The following GPR155 variants were observed in gnomAD, a reference collection of about 807,000 sequenced individuals.
GPR155 encodes the protein G protein-coupled receptor 155.
Under a neutral mutation model 93.1 loss-of-function variants are expected in GPR155, and 65 were observed. The observed-to-expected ratio is 0.70, with a 90% confidence interval of 0.57 to 0.86. The LOEUF (loss-of-function observed/expected upper bound fraction) is 0.86. GPR155 is among the 40% of genes least tolerant of loss of function. GPR155 has a pLI of 0.00. For missense variants in GPR155, 838 were observed against 1,034.8 expected, an observed-to-expected ratio of 0.81 and a Z score of 2.61; for synonymous variants, 319 against 360.1, an observed-to-expected ratio of 0.89 and a Z score of 1.29.
At position 174,481,689 on chromosome 2, in the gene GPR155, T is replaced by C; in HGVS notation, c.268A>G (p.Met90Val). 3 of 1,614,132 alleles carry C rather than the reference T, an allele frequency of 1.9e-6. No individual in the cohort carries two copies. The highest frequency in any genetic ancestry group is 1.3e-5 in the African/African-American group (1 of 75,062). ...FALPALLFKN[M>V]VVLNFSNVDW... ...ACATTGGAAAAATTAAGTACAACCA[T>C]GTTTTTGAATAATAAAGCTGGAAGT... Residue 90 changes from methionine (M) to valine (V), a missense_variant, in exon 2 of 16, where the codon ATG becomes GTG. Transcript: ENST00000392552.
chr2:174,472,273 G>A (rs1688019449), intron 3 of GPR155, among the ~76,000 whole-genome samples: 1 of 152,140 alleles, frequency 6.6e-6, no homozygotes, highest in Non-Finnish European at 1.5e-5. Flanking sequence ...AGGTGTGGTG[G>A]CAGGCACCTG....
At chr2:174,478,658 T>C (rs575861848) in intron 2 of GPR155, among the ~76,000 whole-genome samples, 2 of 152,290 alleles carry the variant, frequency 1.3e-5, no homozygotes, top group South Asian at 4.2e-4. Context: ...GTTCATTAAC[T>C]TATATGTCTT....
In GPR155 at chr2:174,469,826, A is replaced by C. The variant is rs1469311747; in HGVS notation, c.1026+564T>G. Among the ~76,000 whole-genome samples the C allele has an allele frequency of 2.0e-5, 3 of 152,356 alleles. No homozygotes were observed. In the East Asian group the frequency reaches 5.8e-4, roughly 29 times the overall value. ...AATGACTGTTGTTACATTATGTTAC[A>C]TGATGCCTATTTCTTATAATGAGAT... On this transcript the variant is annotated intron_variant, in intron 4 of 15. Coordinates refer to ENST00000392552, the MANE Select transcript of GPR155 (RefSeq NM_152529.7).
chr2:174,468,804 GCTTT>G (rs1687910840), intron 5 of GPR155, 104 bp downstream of exon 5: 3 of 966,818 alleles, frequency 3.1e-6, no homozygotes, highest in Non-Finnish European at 4.7e-6. Context: ...GCAGGCTTTA[GCTTT>G]CTTTATTTCA....
At chr2:174,451,971 G>A (rs1273244748) in intron 11 of GPR155, among the ~76,000 whole-genome samples, 1 of 152,122 alleles carries the variant, frequency 6.6e-6, no homozygotes, top group Non-Finnish European at 1.5e-5. Flanking sequence ...TATTAATGAA[G>A]AAAATGACAG....
At chr2:174,464,817 T>G (rs1231617993) in intron 7 of GPR155, among the ~76,000 whole-genome samples, 1 of 152,178 alleles carries the variant, frequency 6.6e-6, no homozygotes, top group African/African-American at 2.4e-5. Flanking sequence ...ATCTTCTGTT[T>G]GTGCTGAATT....
In GPR155 at chr2:174,460,169, T is replaced by C. The variant is rs1389016890; in HGVS notation, c.1561-81A>G. 3.7e-6 allele frequency: 4 copies of C among 1,082,130 alleles called. No individual in the cohort carries two copies. The African/African-American group carries it at 6.7e-5, about 18-fold the overall frequency. 67.0% of individuals were successfully genotyped at this position (1,082,130 alleles called of 1,614,324 possible). ...CTTAGGGCACATTTTTTTTTTTTTT[T>C]TTTTTTTTTGAGATGGAGTCTTGCT... is the stretch of plus-strand genomic sequence containing the variant. On this transcript the variant is annotated intron_variant, in intron 9 of 15. Coordinates refer to ENST00000392552, the MANE Select transcript of GPR155 (RefSeq NM_152529.7).
Position 174,481,595 on chromosome 2 carries a change from G to T in GPR155, c.362C>A (p.Thr121Asn), listed in dbSNP as rs773343287. The T allele has an allele frequency of 3.1e-6, 5 of 1,613,474 alleles. No homozygotes were observed. In the South Asian group the frequency reaches 5.5e-5, roughly 18 times the overall value. ...ASVFFIVCVL[T>N]LLVASPDSRF... ...ACTATCAGGACTGGCAACCAATAAGGTTAATACACATACAATGAAAAATAC... is the reference window on the plus strand; with the variant it reads ...ACTATCAGGACTGGCAACCAATAAGTTTAATACACATACAATGAAAAATAC... The change falls in exon 2 of 16, where the codon ACC becomes AAC. Residue 121 changes from threonine to asparagine, a missense_variant. By Grantham distance (65) the Thr-to-Asn change is moderately conservative. Coordinates refer to ENST00000392552, the MANE Select transcript of GPR155 (RefSeq NM_152529.7).
chr2:174,431,803 G>C lies in GPR155; in HGVS notation c.*4313C>G, dbSNP rs1467829029. 6.6e-6 allele frequency: 1 copy of C among 151,806 alleles called. No individual in the cohort carries two copies. Among genetic ancestry groups the C allele is most frequent in the Non-Finnish European group, 1.5e-5 (1 of 67,836 alleles). The allele number at this position is 151,806 out of a possible 1,614,324, so 9.4% of individuals were successfully genotyped here. On this transcript the variant is annotated 3_prime_UTR_variant, in exon 16 of 16. Coordinates refer to ENST00000392552, the MANE Select transcript of GPR155 (RefSeq NM_152529.7). ...TGCGTAACAAACATATAAAACACTA[G>C]TTTCACATTTTTCTTGCTTTAGAAA...
At chr2:174,483,654 G>A (rs1198312425) in intron 1 of GPR155, among the ~76,000 whole-genome samples, 2 of 151,650 alleles carry the variant, frequency 1.3e-5, no homozygotes, top group African/African-American at 2.4e-5. Context: ...GCGTGATTGC[G>A]GCTCACCTCA....
chr2:174,460,031 T>C lies in GPR155; in HGVS notation c.1618A>G (p.Met540Val), dbSNP rs1170192326. Residue 540 changes from methionine (M) to valine (V), a missense_variant, in exon 10 of 16, where the codon ATG (methionine) becomes GTG (valine). Coordinates refer to ENST00000392552, the MANE Select transcript of GPR155 (RefSeq NM_152529.7). ...CSILIAGISL[M>V]CMNQTAQAGS... Reference sequence around the variant, plus strand: ...GCTTGGGCAGTCTGGTTCATGCACATGAGGGATATGCCAGCTATCAGGATG... The same window carrying C: ...GCTTGGGCAGTCTGGTTCATGCACACGAGGGATATGCCAGCTATCAGGATG... 5 of 1,613,838 alleles carry C rather than the reference T, an allele frequency of 3.1e-6. No homozygotes were observed. In the Admixed American group the frequency reaches 8.3e-5, roughly 27 times the overall value.
At chr2:174,458,139 T>C (rs1259244934) in intron 10 of GPR155, among the ~76,000 whole-genome samples, 2 of 152,160 alleles carry the variant, frequency 1.3e-5, no homozygotes, top group Admixed American at 1.3e-4. Context: ...TGCTCATAAA[T>C]TCAAGATGAA....
chr2:174,440,003 G>T lies in GPR155; in HGVS notation c.2207C>A (p.Ala736Glu). 6.2e-7 allele frequency: 1 copy of T among 1,610,590 alleles called. No homozygotes were observed. Among genetic ancestry groups the T allele is most frequent in the Non-Finnish European group, 8.5e-7 (1 of 1,177,664 alleles). ...TGAAACAGGAGAATCCCTGTTTTCT[G>T]CTGTGTCTTTATTGTTCCATAGGAA... is the stretch of plus-strand genomic sequence containing the variant. ...LEFLWNNKDT[A>E]ENRDSPVSEE... The change falls in exon 15 of 16, where the codon GCA becomes GAA. Residue 736 changes from alanine to glutamate, a missense_variant. Coordinates refer to ENST00000392552, the MANE Select transcript of GPR155 (RefSeq NM_152529.7).
chr2:174,448,443 G>A (rs1687207606), intron 11 of GPR155, among the ~76,000 whole-genome samples: 2 of 151,628 alleles, frequency 1.3e-5, no homozygotes, highest in Admixed American at 6.6e-5. Flanking sequence ...TCTGGACATC[G>A]ACCTTTGGGA....
At chr2:174,438,776 G>A (rs1029955019) in intron 15 of GPR155, among the ~76,000 whole-genome samples, 8 of 152,120 alleles carry the variant, frequency 5.3e-5, no homozygotes, top group Admixed American at 1.3e-4. Flanking sequence ...TAAAGTGCTG[G>A]GATTACAGGC....
At chr2:174,461,783 G>A (rs2105709672) in intron 7 of GPR155, 111 bp from the exon 8 acceptor site, 1 of 639,618 alleles carries the variant, frequency 1.6e-6, no homozygotes, top group Non-Finnish European at 2.7e-6. Flanking sequence ...AGTAGTGTGT[G>A]GTTTTTGCTT....
chr2:174,475,135 A>AAC (rs1688120815), intron 2 of GPR155, among the ~76,000 whole-genome samples: 1 of 150,628 alleles, frequency 6.6e-6, no homozygotes, highest in African/African-American at 2.4e-5. Context: ...CTCTACTAAA[A>AAC]ATACAAAAAA....
intron 11 of GPR155, among the ~76,000 whole-genome samples, chr2:174,448,458 T>C (rs1687208003): frequency 6.6e-6 from 1 of 152,086 alleles, no homozygotes; most frequent in South Asian, 2.1e-4. Context: ...TTGGGAAGAA[T>C]TTATGACTCA....
At chr2:174,448,579 G>A (rs1326676296) in intron 11 of GPR155, among the ~76,000 whole-genome samples, 19 of 136,274 alleles carry the variant, frequency 1.4e-4, no homozygotes, top group East Asian at 1.1e-3. Context: ...CGCCCAGGCC[G>A]GACTGCGGAC....
Sources: gnomAD v4.1 joint callset for allele counts (sites outside exome capture counted in the v4.1 genomes callset) on GRCh38, gnomAD v4.1.1 for gene constraint, MANE v1.5 for transcripts, NCBI Gene and HGNC (gene_info 2026-07-23, HGNC 2026-07-21) for gene names.